Variants in P3H2 observed in about 807,000 individuals in gnomAD.
P3H2 encodes leprecan-like 1.
Under a neutral mutation model 87.0 loss-of-function variants are expected in P3H2, and 80 were observed. The observed-to-expected ratio is 0.92, with a 90% CI of 0.77 to 1.11. P3H2 has a LOEUF of 1.11. Ranked by LOEUF, P3H2 falls within the 50% of genes least tolerant of loss-of-function variation. The pLI is 0.00. For synonymous variants in P3H2, 367 were observed against 359.3 expected, an observed-to-expected ratio of 1.02 and a Z score of -0.24; for missense variants, 1,001 against 923.9, an observed-to-expected ratio of 1.08 and a Z score of -1.08.
intron 8 of P3H2, among the ~76,000 whole-genome samples, chr3:189,979,348 A>G (rs538337623): frequency 1.3e-5 from 2 of 152,252 alleles, no homozygotes; most frequent in East Asian, 3.9e-4. Flanking sequence ...GAATCACTTG[A>G]ACCCAGGAGG....
chr3:189,993,431 C>T (rs1387766923), intron 3 of P3H2, among the ~76,000 whole-genome samples: 1 of 151,604 alleles, frequency 6.6e-6, no homozygotes, highest in African/African-American at 2.4e-5. Flanking sequence ...ATTACAAATA[C>T]AATTTATTTT....
intron 3 of P3H2, among the ~76,000 whole-genome samples, chr3:189,991,262 G>T (rs1577258514): frequency 2.6e-5 from 4 of 152,306 alleles, no homozygotes; most frequent in Admixed American, 2.6e-4. Context: ...TTGAATTTAG[G>T]TGAACTGAGT....
intron 1 of P3H2, among the ~76,000 whole-genome samples, chr3:190,000,217 T>C (rs1297495446): frequency 6.6e-6 from 1 of 152,172 alleles, no homozygotes; most frequent in African/African-American, 2.4e-5. Context: ...TACCAACTCT[T>C]TCCAGAGAAA....
At chr3:190,104,444 T>C (rs1263768400) in intron 1 of P3H2, among the ~76,000 whole-genome samples, 1 of 152,130 alleles carries the variant, frequency 6.6e-6, no homozygotes, top group Non-Finnish European at 1.5e-5. Flanking sequence ...GGGAGCTGGA[T>C]AAAGGGATTA....
At chr3:190,054,429 A>G (rs1259995670) in intron 1 of P3H2, among the ~76,000 whole-genome samples, 2 of 151,528 alleles carry the variant, frequency 1.3e-5, no homozygotes, top group East Asian at 3.9e-4. Context: ...GGTAGAGAGA[A>G]AAAAAAAAGA....
chr3:190,010,277 T>C (rs1724544773), intron 1 of P3H2, among the ~76,000 whole-genome samples: 3 of 152,168 alleles, frequency 2.0e-5, no homozygotes, highest in Non-Finnish European at 2.9e-5. Context: ...TAGTTGCCAC[T>C]ATTATTAAAC....
chr3:190,055,535 TTTC>T (rs200142179), intron 1 of P3H2, among the ~76,000 whole-genome samples: 27,307 of 140,172 alleles, frequency 0.19, 3,626 homozygotes, highest in African/African-American at 0.42. Flanking sequence ...TTTTTTTTTT[TTTC>T]TCCTTTCTCT....
intron 1 of P3H2, chr3:190,116,458 T>C (rs991957209): frequency 6.6e-6 from 1 of 152,142 alleles, no homozygotes; most frequent in Non-Finnish European, 1.5e-5. Context: ...AGATAGAGAC[T>C]GGGAAAACTA....
intron 1 of P3H2, among the ~76,000 whole-genome samples, chr3:190,007,248 T>C (rs1289327319): frequency 6.6e-6 from 1 of 152,218 alleles, no homozygotes; most frequent in Non-Finnish European, 1.5e-5. Flanking sequence ...GAAACCCTTG[T>C]ACTTCTCTTT....
chr3:190,077,069 C>A (rs967184153), intron 1 of P3H2, among the ~76,000 whole-genome samples: 1 of 151,940 alleles, frequency 6.6e-6, no homozygotes, highest in Admixed American at 6.6e-5. Context: ...AGGGAAAAAC[C>A]AAAAAGAGGT....
chr3:190,117,970 C>T (rs1240435833), intron 1 of P3H2, among the ~76,000 whole-genome samples: 1 of 152,152 alleles, frequency 6.6e-6, no homozygotes, highest in East Asian at 1.9e-4. Flanking sequence ...AATGAACACA[C>T]GAAGCCACGG....
intron 1 of P3H2, among the ~76,000 whole-genome samples, chr3:190,062,747 A>G (rs1206139493): frequency 6.6e-6 from 1 of 152,142 alleles, no homozygotes; most frequent in African/African-American, 2.4e-5. Flanking sequence ...GTAAAATGGA[A>G]TTAATAATAG....
intron 1 of P3H2, among the ~76,000 whole-genome samples, chr3:190,068,386 T>C (rs1024133988): frequency 5.3e-5 from 8 of 152,270 alleles, no homozygotes; most frequent in Admixed American, 4.6e-4. Context: ...CGACAGCCAC[T>C]CTATAAGTGG....
In P3H2 at chr3:190,120,250, ACCTTGATGTAGG is replaced by A. The variant is rs1214211818; in HGVS notation, c.470_480+1del. 1.2e-6 allele frequency: 2 copies of A among 1,609,686 alleles called. No homozygotes were observed. Among genetic ancestry groups the A allele is most frequent in the Non-Finnish European group, 1.7e-6 (2 of 1,178,902 alleles). On this transcript the variant is annotated splice_donor_variant and coding_sequence_variant, in exon 1 of 15. Coordinates refer to ENST00000319332, the MANE Select transcript of P3H2 (RefSeq NM_018192.4). LOFTEE classifies it high-confidence loss of function. The stretch of plus-strand genomic sequence containing the variant: ...TGCAGTGGAGGAGCGCTCTGTGGGT[ACCTTGATGTAGG>A]CCCGCTGCAGGTAGTTGTAGGGCAC...
chr3:190,114,731 T>C (rs1712224161), intron 1 of P3H2, among the ~76,000 whole-genome samples: 1 of 152,186 alleles, frequency 6.6e-6, no homozygotes. Flanking sequence ...AAAAAAGTGT[T>C]CAGTTGTTAA....
At chr3:189,969,697 A>G in intron 13 of P3H2, 1 of 1,358,776 alleles carries the variant, frequency 7.4e-7, no homozygotes. Flanking sequence ...CAAGGAGGAC[A>G]CAATCAACAT....
chr3:190,064,840 T>A (rs1266883252), intron 1 of P3H2, among the ~76,000 whole-genome samples: 1 of 152,188 alleles, frequency 6.6e-6, no homozygotes, highest in Non-Finnish European at 1.5e-5. Flanking sequence ...GGCTATAAGA[T>A]AAGCCTTCTT....
chr3:189,967,242 A>T (rs547311675), intron 13 of P3H2, among the ~76,000 whole-genome samples: 19 of 152,084 alleles, frequency 1.2e-4, no homozygotes, highest in Admixed American at 1.2e-3. Context: ...TGGATTAAAA[A>T]TTTGTTTAAA....
At chr3:190,075,485 C>CA (rs58622114) in intron 1 of P3H2, among the ~76,000 whole-genome samples, 32,118 of 118,664 alleles carry the variant, frequency 0.27, 3,770 homozygotes, top group African/African-American at 0.34. Context: ...AACTCCGTCT[C>CA]AAAAAAAAAA....
Sources: gnomAD v4.1 joint callset for allele counts (sites outside exome capture counted in the v4.1 genomes callset) on GRCh38, gnomAD v4.1.1 for gene constraint, MANE v1.5 for transcripts, NCBI Gene and HGNC (gene_info 2026-07-23, HGNC 2026-07-21) for gene names.